Variants in LAMA4 observed in about 807,000 individuals in gnomAD.
The protein encoded by LAMA4 is laminin subunit alpha-4.
A neutral mutation model predicts 207.1 loss-of-function variants in LAMA4; 127 were observed. That is an observed-to-expected ratio of 0.61 (90% CI 0.53 to 0.71). The LOEUF (loss-of-function observed/expected upper bound fraction) is 0.71. Ranked by LOEUF, LAMA4 falls within the 30% of genes least tolerant of loss-of-function variation. The pLI is 0.00. For synonymous variants in LAMA4, 761 were observed against 816.0 expected (o/e 0.93, Z 1.15); for missense variants, 2,093 against 2,246.5 (o/e 0.93, Z 1.38).
intron 3 of LAMA4, among the ~76,000 whole-genome samples, chr6:112,216,159 C>T (rs1409818010): frequency 2.0e-5 from 3 of 152,192 alleles, no homozygotes; most frequent in Non-Finnish European, 4.4e-5. Context: ...TCCGGGTGCA[C>T]GTGCACACTC....
At position 112,241,140 on chromosome 6, in the gene LAMA4, TATATATATGAATATATATATGA is replaced by T. The variant is rs1562101945; in HGVS notation, c.195+12794_195+12815del. On this transcript the variant is annotated intron_variant, in intron 2 of 38. Transcript: ENST00000230538. ...GAATATATATATGAATATATAGGAA[TATATATATGAATATATATATGA>T]ATATATATGAATATATATGAATATA... Among the ~76,000 whole-genome samples, 4 of 68,426 alleles carry T rather than the reference TATATATATGAATATATATATGA, an allele frequency of 5.8e-5. 1 individual carries two copies. The highest frequency in any genetic ancestry group is 4.3e-4 in the South Asian group (1 of 2,332). 44.9% of individuals were successfully genotyped at this position (68,426 alleles called of 152,430 possible).
intron 25 of LAMA4, chr6:112,135,882 C>A (rs934789022): frequency 6.9e-6 from 3 of 437,358 alleles, no homozygotes; most frequent in Non-Finnish European, 1.3e-5. Context: ...GTTAATTAAG[C>A]AATTAAAAGG....
chr6:112,141,322 T>C (rs2114703065), intron 21 of LAMA4, 36 bp downstream of exon 21: 1 of 1,603,646 alleles, frequency 6.2e-7, no homozygotes, highest in Admixed American at 1.7e-5. Context: ...TCTTGTGATA[T>C]GTGCATATAT....
At chr6:112,135,826 T>C in intron 25 of LAMA4, 2 of 364,308 alleles carry the variant, frequency 5.5e-6, no homozygotes, top group South Asian at 4.6e-5. Flanking sequence ...AGAAGTATCC[T>C]GTAGGAATAC....
intron 16 of LAMA4, 111 bp downstream of exon 16, chr6:112,154,740 G>A (rs2114775730): frequency 1.3e-6 from 1 of 770,926 alleles, no homozygotes. Flanking sequence ...GATATGTTAT[G>A]TAGTTATAAT....
chr6:112,163,662 A>G (rs1781216373), intron 13 of LAMA4, among the ~76,000 whole-genome samples: 1 of 152,222 alleles, frequency 6.6e-6, no homozygotes, highest in South Asian at 2.1e-4. Flanking sequence ...TCTGGGAGGT[A>G]GAAACAGCAA....
In LAMA4 at chr6:112,117,616, G is replaced by A. The variant is rs1554324383; in HGVS notation, c.4981+123C>T. 2 of 912,238 alleles carry A rather than the reference G, an allele frequency of 2.2e-6. No individual in the cohort carries two copies. The highest frequency in any genetic ancestry group is 1.6e-5 in the African/African-American group (1 of 61,378). The allele number at this position is 912,238 out of a possible 1,614,324, so 56.5% of individuals were successfully genotyped here. A position where few individuals can be genotyped will look rare whatever the true frequency, so the allele number is the denominator to read the frequency against. ...GGGAGAAAGGTGGTTCTTGTGGGAA[G>A]AGGTCATCTTCTAGGGCTGAGTTTG... On this transcript the variant is annotated intron_variant, in intron 35 of 38. Transcript: ENST00000230538. The surrounding 1 kb of genome is among the most constrained non-coding windows in gnomAD (Gnocchi z 4.5).
intron 2 of LAMA4, among the ~76,000 whole-genome samples, chr6:112,223,440 TTAC>T (rs1422506099): frequency 2.0e-5 from 3 of 152,188 alleles, no homozygotes; most frequent in Non-Finnish European, 4.4e-5. Flanking sequence ...AGCTAATAAT[TTAC>T]TGACAGACAC....
At chr6:112,168,625 C>T (rs182118372) in intron 12 of LAMA4, among the ~76,000 whole-genome samples, 32 of 152,114 alleles carry the variant, frequency 2.1e-4, no homozygotes, top group African/African-American at 6.7e-4. Context: ...GGATTACAGG[C>T]GTGAGCCACC....
Position 112,238,566 on chromosome 6 carries a change from C to A in LAMA4, c.195+15390G>T, listed in dbSNP as rs947363540. Among the ~76,000 whole-genome samples, 5 of 151,802 alleles carry A rather than the reference C, an allele frequency of 3.3e-5. No individual in the cohort carries two copies. The East Asian group carries it at 9.7e-4, about 30-fold the overall frequency. Reference sequence around the variant, plus strand: ...CTCTCCTAAAAATACAAAAATTAGTCAGGCGTACTGGGCACCTGTAGTCCC... The same window carrying A: ...CTCTCCTAAAAATACAAAAATTAGTAAGGCGTACTGGGCACCTGTAGTCCC... On this transcript the variant is annotated intron_variant, in intron 2 of 38. Coordinates refer to ENST00000230538, the MANE Select transcript of LAMA4 (RefSeq NM_001105206.3).
Position 112,165,205 on chromosome 6 carries a change from C to CA in LAMA4, c.1622dup (p.Thr542AspfsTer11). Reference sequence around the variant, plus strand: ...CTGAAAGAGTTAGACGAGGTGTTGTCAGAGAGTCCGCAGATGTGCTCAGAG... The same window carrying CA: ...CTGAAAGAGTTAGACGAGGTGTTGTCAAGAGAGTCCGCAGATGTGCTCAGAG... On this transcript the variant is annotated frameshift_variant, in exon 13 of 39. Coordinates refer to ENST00000230538, the MANE Select transcript of LAMA4 (RefSeq NM_001105206.3). LOFTEE classifies it high-confidence loss of function. The CA allele has an allele frequency of 6.2e-7, 1 of 1,613,480 alleles. No homozygotes were observed. Among genetic ancestry groups the CA allele is most frequent in the Non-Finnish European group, 8.5e-7 (1 of 1,179,388 alleles).
intron 3 of LAMA4, among the ~76,000 whole-genome samples, chr6:112,210,259 A>G (rs782536848): frequency 6.6e-6 from 1 of 151,546 alleles, no homozygotes; most frequent in Non-Finnish European, 1.5e-5. Context: ...TTGGCAAAGC[A>G]TAGGAATAAA....
chr6:112,167,863 C>T (rs1295163766), intron 12 of LAMA4, among the ~76,000 whole-genome samples: 1 of 147,710 alleles, frequency 6.8e-6, no homozygotes, highest in Non-Finnish European at 1.5e-5. Context: ...CACACACACA[C>T]ACACACACAC....
chr6:112,202,200 T>G (rs1354653784), intron 4 of LAMA4, among the ~76,000 whole-genome samples: 1 of 152,152 alleles, frequency 6.6e-6, no homozygotes, highest in Non-Finnish European at 1.5e-5. Flanking sequence ...AAAGTCCCAG[T>G]CAAGTACTGC....
chr6:112,109,677 C>G (rs1777590269), intron 38 of LAMA4, 95 bp from the exon 39 acceptor site: 1 of 1,215,802 alleles, frequency 8.2e-7, no homozygotes, highest in South Asian at 1.2e-5. Context: ...TTGCTCATAT[C>G]ATCAATATGA....
chr6:112,238,545 C>A (rs9481240), intron 2 of LAMA4, among the ~76,000 whole-genome samples: 137,575 of 152,012 alleles, frequency 0.91, 62,329 homozygotes, highest in African/African-American at 0.95. Context: ...CCCTGTCTCT[C>A]CTAAAAATAC....
At chr6:112,246,741 T>C (rs1336171249) in intron 2 of LAMA4, among the ~76,000 whole-genome samples, 4 of 152,174 alleles carry the variant, frequency 2.6e-5, no homozygotes, top group Non-Finnish European at 4.4e-5. Flanking sequence ...AGGCTGGTCT[T>C]GAACTCCTGA....
At chr6:112,158,477 TTAAA>T (rs1159873205) in intron 14 of LAMA4, 1 of 480,714 alleles carries the variant, frequency 2.1e-6, no homozygotes, top group African/African-American at 2.0e-5. Context: ...CAGATTTTTT[TTAAA>T]TAAAAAAGAC....
intron 2 of LAMA4, among the ~76,000 whole-genome samples, chr6:112,242,558 G>C (rs1786594468): frequency 6.6e-6 from 1 of 152,172 alleles, no homozygotes; most frequent in Non-Finnish European, 1.5e-5. Flanking sequence ...TGTAGATTCT[G>C]ATTCTGGGGT....
Sources: allele counts gnomAD v4.1 joint callset (sites outside exome capture counted in the v4.1 genomes callset), GRCh38; gene constraint gnomAD v4.1.1; non-coding constraint Gnocchi (gnomAD v3.1); transcripts MANE v1.5; gene names NCBI Gene and HGNC (gene_info 2026-07-23, HGNC 2026-07-21).